GRB14: variants seen among roughly 807,000 people sequenced by gnomAD.
GRB14 encodes the protein growth factor receptor-bound protein 14.
A neutral mutation model predicts 69.1 loss-of-function variants in GRB14; 38 were observed. That is an observed-to-expected ratio of 0.55 (90% confidence interval 0.42 to 0.72). The LOEUF (loss-of-function observed/expected upper bound fraction) is 0.72, where lower values mean the gene tolerates loss of function less well. Among genes scored for constraint, GRB14 ranks in the 30% least tolerant of loss-of-function variants. GRB14 has a pLI of 0.00. For missense variants in GRB14, 666 were observed against 666.1 expected, an observed-to-expected ratio of 1.00 and a Z score of 0.00; for synonymous variants, 247 against 241.3, an observed-to-expected ratio of 1.02 and a Z score of -0.22.
chr2:164,571,936 AG>A (rs1689133692), intron 2 of GRB14, among the ~76,000 whole-genome samples: 1 of 152,224 alleles, frequency 6.6e-6, no homozygotes. Context: ...ACATTCATAC[AG>A]CCCTTGTTCC....
At chr2:164,539,475 G>GAA (rs5835987) in intron 3 of GRB14, among the ~76,000 whole-genome samples, 65 of 149,422 alleles carry the variant, frequency 4.4e-4, no homozygotes, top group African/African-American at 8.4e-4. Flanking sequence ...CTCCATCTCG[G>GAA]AAAAAAAAAA....
intron 8 of GRB14, among the ~76,000 whole-genome samples, chr2:164,505,674 G>A (rs1253571525): frequency 6.6e-6 from 1 of 151,968 alleles, no homozygotes; most frequent in Non-Finnish European, 1.5e-5. Flanking sequence ...GCATATATAT[G>A]TGTATGTGTA....
At chr2:164,602,745 T>C (rs1243569639) in intron 2 of GRB14, among the ~76,000 whole-genome samples, 1 of 152,196 alleles carries the variant, frequency 6.6e-6, no homozygotes, top group Non-Finnish European at 1.5e-5. Flanking sequence ...CTGATCCCTA[T>C]TGCCCCCAGA....
At chr2:164,547,176 C>T (rs1333256289) in intron 3 of GRB14, among the ~76,000 whole-genome samples, 1 of 152,202 alleles carries the variant, frequency 6.6e-6, no homozygotes. Flanking sequence ...AAAACAACAG[C>T]GAACAGGGAA....
At chr2:164,567,734 G>C (rs1689014831) in intron 2 of GRB14, among the ~76,000 whole-genome samples, 6 of 152,106 alleles carry the variant, frequency 3.9e-5, no homozygotes, top group Admixed American at 3.9e-4. Context: ...TCATACACAG[G>C]ATTGACTGCA....
intron 6 of GRB14, among the ~76,000 whole-genome samples, chr2:164,512,846 C>T (rs756391714): frequency 1.3e-5 from 2 of 152,160 alleles, no homozygotes; most frequent in Non-Finnish European, 2.9e-5. Context: ...TGGTCTCCGT[C>T]GTTAGCTGTT....
At chr2:164,493,653 T>TAAATC (rs970240547) in intron 13 of GRB14, among the ~76,000 whole-genome samples, 8 of 152,308 alleles carry the variant, frequency 5.3e-5, no homozygotes, top group African/African-American at 1.9e-4. Flanking sequence ...TTCTTTTTTT[T>TAAATC]AAATCAGTGA....
chr2:164,545,402 C>T (rs889300587), intron 3 of GRB14, among the ~76,000 whole-genome samples: 4 of 151,794 alleles, frequency 2.6e-5, no homozygotes, highest in Admixed American at 6.6e-5. Flanking sequence ...GAAATGTTAC[C>T]GCTTTTATAA....
rs78501621 is a variant in GRB14, at chr2:164,508,370, A to C, written c.1023+85T>G. 1,644 of 1,038,954 alleles carry C rather than the reference A, an allele frequency of 1.6e-3. 15 individuals are homozygous for C. In the African/African-American group the frequency reaches 0.024, roughly 15 times the overall value. The allele number at this position is 1,038,954 out of a possible 1,614,324, so 64.4% of individuals were successfully genotyped here. ...CTTTCTCATGTAGCCACCCAGTGAG[A>C]CTTCACGTTCTGAAATACAGATATT... is the stretch of plus-strand genomic sequence containing the variant. On this transcript the variant is annotated intron_variant, in intron 8 of 13. Transcript: ENST00000263915.
At chr2:164,573,700 C>T in intron 2 of GRB14, 1 of 1,600,274 alleles carries the variant, frequency 6.2e-7, no homozygotes, top group Non-Finnish European at 8.6e-7. Flanking sequence ...CAGTTAGGAG[C>T]CTCTGACCTG....
intron 6 of GRB14, among the ~76,000 whole-genome samples, chr2:164,517,825 A>T (rs1237145712): frequency 6.6e-6 from 1 of 152,156 alleles, no homozygotes; most frequent in Non-Finnish European, 1.5e-5. Flanking sequence ...CACAATCCTA[A>T]ATATATATAT....
In GRB14 at chr2:164,558,662, G is replaced by A. The variant is rs575168718; in HGVS notation, c.325-10846C>T. ...TTCATATTTAAAGCAGAATACCACTGGCCATGCTTATGTTGGACACAATGT... is the reference window on the plus strand; with the variant it reads ...TTCATATTTAAAGCAGAATACCACTAGCCATGCTTATGTTGGACACAATGT... On this transcript the variant is annotated intron_variant, in intron 2 of 13. Transcript: ENST00000263915. 1.3e-4 allele frequency among the ~76,000 whole-genome samples: 20 copies of A among 152,292 alleles called. 2 individuals carry two copies. The highest frequency in any genetic ancestry group is 4.6e-4 in the African/African-American group (19 of 41,560).
At chr2:164,507,086 T>G (rs1687211479) in intron 8 of GRB14, among the ~76,000 whole-genome samples, 1 of 152,166 alleles carries the variant, frequency 6.6e-6, no homozygotes, top group African/African-American at 2.4e-5. Context: ...AATTTTATAT[T>G]TTGTGAATTT....
intron 2 of GRB14, among the ~76,000 whole-genome samples, chr2:164,580,931 G>A (rs1050101201): frequency 2.0e-5 from 3 of 152,086 alleles, no homozygotes; most frequent in Non-Finnish European, 4.4e-5. Context: ...TACCCATTGG[G>A]CTCCTGGCAC....
At chr2:164,577,851 A>G (rs1400947211) in intron 2 of GRB14, among the ~76,000 whole-genome samples, 1 of 152,240 alleles carries the variant, frequency 6.6e-6, no homozygotes, top group African/African-American at 2.4e-5. Context: ...ACCTAACACC[A>G]TACTCTAAAA....
chr2:164,493,426 CTG>C (rs2105251739), intron 13 of GRB14, among the ~76,000 whole-genome samples: 1 of 116,780 alleles, frequency 8.6e-6, no homozygotes, highest in East Asian at 2.0e-4. Context: ...TCCCAGCATT[CTG>C]TTAGTAAAGA....
intron 6 of GRB14, among the ~76,000 whole-genome samples, chr2:164,512,753 C>T (rs182407346): frequency 1.2e-4 from 18 of 152,244 alleles, no homozygotes; most frequent in African/African-American, 3.9e-4. Context: ...TATACAAGAG[C>T]AGTTGGGGGA....
chr2:164,548,247 T>C (rs1688437153), intron 2 of GRB14, among the ~76,000 whole-genome samples: 1 of 152,214 alleles, frequency 6.6e-6, no homozygotes, highest in African/African-American at 2.4e-5. Context: ...TCTGAGATCA[T>C]GCAATATTTT....
chr2:164,539,247 G>C (rs1688169556), intron 3 of GRB14, among the ~76,000 whole-genome samples: 1 of 152,118 alleles, frequency 6.6e-6, no homozygotes, highest in Admixed American at 6.5e-5. Flanking sequence ...GGCCAAGGCA[G>C]ATGGATCACT....
Sources: gnomAD v4.1 joint callset for allele counts (sites outside exome capture counted in the v4.1 genomes callset) on GRCh38, gnomAD v4.1.1 for gene constraint, MANE v1.5 for transcripts, NCBI Gene and HGNC (gene_info 2026-07-23, HGNC 2026-07-21) for gene names.